The following ATP2C2 variants were observed in gnomAD, a reference collection of about 807,000 sequenced individuals.
The protein encoded by ATP2C2 is calcium-transporting ATPase type 2C member 2.
ATP2C2 carries 171 observed loss-of-function variants against 110.8 expected under a neutral mutation model. The observed-to-expected ratio is 1.54, with a 90% confidence interval of 1.36 to 1.75. ATP2C2 has a LOEUF of 1.75. Ranked by LOEUF, ATP2C2 falls within the 40% of genes most tolerant of loss-of-function variation. ATP2C2 has a pLI of 0.00. For synonymous variants in ATP2C2, 804 were observed against 508.4 expected (o/e 1.58, Z -7.82); for missense variants, 1,963 against 1,235.0 (o/e 1.59, Z -8.84).
At chr16:84,413,022 C>T (rs2150530124) in intron 6 of ATP2C2, among the ~76,000 whole-genome samples, 1 of 151,712 alleles carries the variant, frequency 6.6e-6, no homozygotes, top group East Asian at 1.9e-4. Context: ...TTGCCTGAAC[C>T]CAGAGATGGA....
In ATP2C2 at chr16:84,424,576, C is replaced by CTTTTTTTTTTTTTTTTT. The variant is rs371614449; in HGVS notation, c.920-1152_920-1136dup. The stretch of plus-strand genomic sequence containing the variant: ...TACAGGCATGAGCCACCGCACTGGG[C>CTTTTTTTTTTTTTTTTT]TTTTTTTTTTTTTTTTTTTTTTTAA... On this transcript the variant is annotated intron_variant, in intron 10 of 26. Coordinates refer to ENST00000262429, the MANE Select transcript of ATP2C2 (RefSeq NM_014861.4). Among the ~76,000 whole-genome samples, 343 of 114,778 alleles carry CTTTTTTTTTTTTTTTTT rather than the reference C, an allele frequency of 3.0e-3. 20 individuals carry two copies. The highest frequency in any genetic ancestry group is 0.012 in the African/African-American group (303 of 24,812). 75.3% of individuals were successfully genotyped at this position (114,778 alleles called of 152,430 possible). A position where few individuals can be genotyped will look rare whatever the true frequency, so the allele number is the denominator to read the frequency against.
At chr16:84,453,261 A>T (rs2435172) in intron 19 of ATP2C2, 26 bp downstream of exon 19, 2 of 1,614,110 alleles carry the variant, frequency 1.2e-6, no homozygotes, top group South Asian at 1.1e-5. Context: ...CTTGGCTGGC[A>T]GTGGGGCTGG....
intron 10 of ATP2C2, 115 bp from the exon 11 acceptor site, chr16:84,425,620 G>C (rs1472747527): frequency 7.0e-6 from 8 of 1,150,046 alleles, no homozygotes; most frequent in Admixed American, 1.7e-5. Context: ...AGGTTATCAG[G>C]CGTTCCTCTG....
intron 1 of ATP2C2, among the ~76,000 whole-genome samples, chr16:84,380,335 C>T (rs887460557): frequency 2.0e-4 from 30 of 152,140 alleles, no homozygotes; most frequent in African/African-American, 6.8e-4. Context: ...CTTGTGTGAA[C>T]CGGGAATTGT....
intron 15 of ATP2C2, among the ~76,000 whole-genome samples, chr16:84,442,869 G>C (rs1404345448): frequency 6.6e-6 from 1 of 152,132 alleles, no homozygotes; most frequent in Admixed American, 6.5e-5. Flanking sequence ...TCAGGCCCTG[G>C]TCAGGTGTTG....
intron 11 of ATP2C2, among the ~76,000 whole-genome samples, chr16:84,436,836 C>G (rs538190602): frequency 8.7e-5 from 13 of 150,260 alleles, no homozygotes; most frequent in Non-Finnish European, 1.8e-4. Context: ...CATCTCAGCT[C>G]ACCACAACCT....
At chr16:84,382,894 T>TAAAAAAAAAA (rs1170344466) in intron 1 of ATP2C2, among the ~76,000 whole-genome samples, 2 of 91,750 alleles carry the variant, frequency 2.2e-5, no homozygotes, top group Admixed American at 1.2e-4. Flanking sequence ...AGACTCCATC[T>TAAAAAAAAAA]AAAAAAAAAA....
chr16:84,436,244 G>C (rs957007046), intron 11 of ATP2C2, among the ~76,000 whole-genome samples: 1 of 152,226 alleles, frequency 6.6e-6, no homozygotes, highest in Admixed American at 6.5e-5. Context: ...GCATGAAAAA[G>C]ATACTGGATT....
intron 7 of ATP2C2, among the ~76,000 whole-genome samples, chr16:84,418,134 T>G (rs73243762): frequency 6.6e-6 from 1 of 152,204 alleles, no homozygotes; most frequent in African/African-American, 2.4e-5. Context: ...AAAAAGGGAA[T>G]TGGGTCGGAG....
At chr16:84,435,801 T>C (rs949598132) in intron 11 of ATP2C2, among the ~76,000 whole-genome samples, 4 of 150,432 alleles carry the variant, frequency 2.7e-5, no homozygotes, top group Non-Finnish European at 5.9e-5. Flanking sequence ...CACTCCAGCC[T>C]GGGCGACAGA....
intron 4 of ATP2C2, among the ~76,000 whole-genome samples, chr16:84,409,996 C>G (rs1267486388): frequency 6.6e-6 from 1 of 152,050 alleles, no homozygotes; most frequent in Non-Finnish European, 1.5e-5. Context: ...ATCACGAGGT[C>G]AGGAGATCGA....
rs149033478 is a variant in ATP2C2, at chr16:84,382,685, A to G, written c.99+13971A>G. ...AAGGCGAGAGGATCACTTGAGGTCA[A>G]AAGTTTGAGACCAGCCTGGCCAACG... On this transcript the variant is annotated intron_variant, in intron 1 of 26. Coordinates refer to ENST00000262429, the MANE Select transcript of ATP2C2 (RefSeq NM_014861.4). Among the ~76,000 whole-genome samples the G allele has an allele frequency of 5.9e-4, 90 of 152,248 alleles. No homozygotes were observed. In the East Asian group the frequency reaches 0.015, roughly 25 times the overall value.
At chr16:84,411,488 C>G (rs1030637877) in intron 6 of ATP2C2, among the ~76,000 whole-genome samples, 21 of 152,202 alleles carry the variant, frequency 1.4e-4, no homozygotes, top group Admixed American at 1.4e-3. Flanking sequence ...GTCGCCCAGG[C>G]TGGAGTGCAG....
chr16:84,377,176 C>T (rs1330647667), intron 1 of ATP2C2, among the ~76,000 whole-genome samples: 6 of 151,938 alleles, frequency 3.9e-5, no homozygotes, highest in Admixed American at 6.6e-5. Context: ...TAGTGGAAGC[C>T]GTGTGCTAAG....
chr16:84,444,993 G>T (rs544560367), intron 15 of ATP2C2, among the ~76,000 whole-genome samples: 1 of 152,274 alleles, frequency 6.6e-6, no homozygotes, highest in Admixed American at 6.5e-5. Flanking sequence ...ACTGGCTGGT[G>T]ATTTAGTGTA....
At chr16:84,433,376 C>T (rs1323964716) in intron 11 of ATP2C2, among the ~76,000 whole-genome samples, 1 of 150,020 alleles carries the variant, frequency 6.7e-6, no homozygotes, top group African/African-American at 2.5e-5. Flanking sequence ...CAGCAAGACC[C>T]TATCTTAAAA....
intron 15 of ATP2C2, among the ~76,000 whole-genome samples, chr16:84,443,969 C>A (rs940005860): frequency 6.6e-6 from 1 of 152,110 alleles, no homozygotes; most frequent in African/African-American, 2.4e-5. Flanking sequence ...GAGTTTGAGA[C>A]CAGCCTGGGC....
chr16:84,463,950 G>T lies in ATP2C2; in HGVS notation c.*218G>T. The T allele has an allele frequency of 1.9e-6, 1 of 536,202 alleles. No individual in the cohort carries two copies. The highest frequency in any genetic ancestry group is 2.5e-5 in the South Asian group (1 of 40,248). 33.2% of individuals were successfully genotyped at this position (536,202 alleles called of 1,614,324 possible). On this transcript the variant is annotated 3_prime_UTR_variant, in exon 27 of 27. Transcript: ENST00000262429. The stretch of plus-strand genomic sequence containing the variant: ...CGCTGGCTGTGGGACAGACAGGGAG[G>T]GGCCTGTACAGAAACACCACACTGT...
intron 4 of ATP2C2, among the ~76,000 whole-genome samples, chr16:84,408,860 T>A (rs1047281730): frequency 1.3e-5 from 2 of 151,962 alleles, no homozygotes; most frequent in African/African-American, 2.4e-5. Flanking sequence ...AGCACTCATT[T>A]TTTTTTTATT....
Sources: allele counts gnomAD v4.1 joint callset (sites outside exome capture counted in the v4.1 genomes callset), GRCh38; gene constraint gnomAD v4.1.1; transcripts MANE v1.5; gene names NCBI Gene and HGNC (gene_info 2026-07-23, HGNC 2026-07-21).